TPRG1: variants seen among roughly 807,000 people sequenced by gnomAD.
TPRG1 encodes the protein tumor protein p63-regulated gene 1 protein.
In TPRG1, 29 loss-of-function variants were observed where a neutral mutation model predicts 29.3. The observed-to-expected ratio is 0.99, with a 90% CI of 0.74 to 1.35. The LOEUF (loss-of-function observed/expected upper bound fraction) is 1.35. Among genes scored for constraint, TPRG1 ranks in the 40% most tolerant of loss-of-function variants. TPRG1 has a pLI of 0.00. For missense variants in TPRG1, 327 were observed against 335.0 expected (o/e 0.98, Z 0.19); for synonymous variants, 130 against 116.8 (o/e 1.11, Z -0.73).
At chr3:189,129,644 T>A (rs924654851) in intron 2 of TPRG1, among the ~76,000 whole-genome samples, 3 of 152,210 alleles carry the variant, frequency 2.0e-5, no homozygotes, top group Non-Finnish European at 2.9e-5. Context: ...CATTTTCTAT[T>A]TTCCTCATTT....
chr3:189,257,420 C>T (rs1435268724), intron 4 of TPRG1, among the ~76,000 whole-genome samples: 1 of 152,136 alleles, frequency 6.6e-6, no homozygotes, highest in African/African-American at 2.4e-5. Context: ...TGACCTTTCT[C>T]TCTGTCTGCC....
chr3:189,019,359 G>T (rs1254659100), intron 3 of TPRG1, among the ~76,000 whole-genome samples: 7 of 152,166 alleles, frequency 4.6e-5, no homozygotes, highest in Admixed American at 3.9e-4. Context: ...TGTGATATTG[G>T]CCGTGGGTTT....
chr3:189,009,964 G>A (rs2152122558), intron 3 of TPRG1, among the ~76,000 whole-genome samples: 1 of 151,990 alleles, frequency 6.6e-6, no homozygotes, highest in African/African-American at 2.4e-5. Context: ...CCCTCCCACA[G>A]GCCCCAGTGC....
intron 5 of TPRG1, among the ~76,000 whole-genome samples, chr3:189,311,091 A>T (rs987945469): frequency 6.6e-6 from 1 of 152,158 alleles, no homozygotes; most frequent in African/African-American, 2.4e-5. Context: ...ATTTCATCTC[A>T]TCAAGCAGAT....
intron 2 of TPRG1, chr3:189,211,914 T>C (rs892345927): frequency 1.2e-4 from 19 of 152,072 alleles, no homozygotes; most frequent in African/African-American, 4.6e-4. Context: ...TCAGTTCATC[T>C]GCTATTATTG....
At chr3:189,315,384 G>T (rs549111534) in intron 5 of TPRG1, 1 of 407,288 alleles carries the variant, frequency 2.5e-6, no homozygotes, top group Non-Finnish European at 4.9e-6. Context: ...GTATAATATT[G>T]TATCTCAAAA....
At chr3:189,050,641 A>G (rs1715257869) in intron 4 of TPRG1, among the ~76,000 whole-genome samples, 4 of 152,192 alleles carry the variant, frequency 2.6e-5, no homozygotes, top group Admixed American at 2.6e-4. Flanking sequence ...AAAGAAAACT[A>G]CAGACCAATA....
intron 4 of TPRG1, among the ~76,000 whole-genome samples, chr3:189,260,478 C>T (rs1560617464): frequency 6.6e-6 from 1 of 152,192 alleles, no homozygotes; most frequent in South Asian, 2.1e-4. Context: ...AGCCATTCAT[C>T]TTAGAGGGCT....
intron 3 of TPRG1, among the ~76,000 whole-genome samples, chr3:189,015,020 T>C (rs755062276): frequency 6.6e-6 from 1 of 152,268 alleles, no homozygotes; most frequent in Non-Finnish European, 1.5e-5. Flanking sequence ...CAGAAGAAGA[T>C]AAGATGACGC....
At chr3:189,164,826 C>T (rs1362146916) in intron 5 of TPRG1, among the ~76,000 whole-genome samples, 2 of 152,082 alleles carry the variant, frequency 1.3e-5, no homozygotes, top group East Asian at 3.9e-4. Flanking sequence ...GTGGCAGGTT[C>T]CCTCCACAGC....
intron 1 of TPRG1, among the ~76,000 whole-genome samples, chr3:189,180,736 G>A (rs749620719): frequency 3.9e-5 from 6 of 152,262 alleles, no homozygotes; most frequent in Admixed American, 2.6e-4. Flanking sequence ...AGTGCAAACC[G>A]TCAGCGCATT....
intron 1 of TPRG1, among the ~76,000 whole-genome samples, chr3:189,185,075 A>AAGTGC (rs1730735376): frequency 6.6e-6 from 1 of 152,318 alleles, no homozygotes; most frequent in South Asian, 2.1e-4. Context: ...TTTAAAAACT[A>AAGTGC]AGTGCATTTT....
At chr3:189,046,742 T>C (rs1447609040) in intron 4 of TPRG1, among the ~76,000 whole-genome samples, 1 of 152,212 alleles carries the variant, frequency 6.6e-6, no homozygotes, top group African/African-American at 2.4e-5. Flanking sequence ...TAAAAAGTTT[T>C]AAGATTAAAG....
intron 4 of TPRG1, among the ~76,000 whole-genome samples, chr3:189,244,836 G>A (rs967160907): frequency 1.3e-5 from 2 of 152,222 alleles, no homozygotes; most frequent in African/African-American, 4.8e-5. Flanking sequence ...TACCAATTCT[G>A]TTGGTTTTTA....
At chr3:189,222,246 C>T (rs1016872443) in intron 3 of TPRG1, among the ~76,000 whole-genome samples, 4 of 152,000 alleles carry the variant, frequency 2.6e-5, no homozygotes, top group African/African-American at 9.7e-5. Context: ...GCCAGTCACA[C>T]GTTTACCTTG....
rs753476446 is a variant in TPRG1, at chr3:189,089,278, T to C, written c.-462-37779T>C. Among the ~76,000 whole-genome samples the C allele has an allele frequency of 2.7e-4, 41 of 152,200 alleles. 1 individual carries two copies. The highest frequency in any genetic ancestry group is 8.8e-5 in the Non-Finnish European group (6 of 68,028). ...TTTAACAGAAATACTCTGATTATTT[T>C]TTCAATCTTCTCTTCTGACTACTGG... is the stretch of plus-strand genomic sequence containing the variant. On this transcript the variant is annotated intron_variant, in intron 4 of 10. Coordinates refer to the TPRG1 transcript ENST00000433971.
chr3:189,086,207 AGGAGAAAGGT>A (rs986552983), intron 4 of TPRG1, among the ~76,000 whole-genome samples: 2 of 152,178 alleles, frequency 1.3e-5, no homozygotes, highest in African/African-American at 2.4e-5. Flanking sequence ...CATCCAGCAC[AGGAGAAAGGT>A]GGAGGCCAGA....
upstream of TPRG1, among the ~76,000 whole-genome samples, chr3:189,096,792 G>A (rs1156238665): frequency 2.0e-5 from 3 of 152,184 alleles, no homozygotes; most frequent in African/African-American, 7.2e-5. Context: ...GTAATAATAT[G>A]TTGTTTAGTT....
Position 189,144,991 on chromosome 3 carries a change from G to T in TPRG1, c.-290-2593G>T, listed in dbSNP as rs114364474. ...AAGCTAGAAGGAGGTTTTTGGTGAG[G>T]ACTAGAAGCCTTTTATTCTGTTCAA... On this transcript the variant is annotated intron_variant, in intron 3 of 6. Transcript: ENST00000412373. Among the ~76,000 whole-genome samples the T allele has an allele frequency of 6.2e-3, 948 of 152,322 alleles. 11 individuals are homozygous for T. The highest frequency in any genetic ancestry group is 0.022 in the African/African-American group (920 of 41,570).
Sources: gnomAD v4.1 joint callset for allele counts (sites outside exome capture counted in the v4.1 genomes callset) on GRCh38, gnomAD v4.1.1 for gene constraint, MANE v1.5 for transcripts, NCBI Gene and HGNC (gene_info 2026-07-23, HGNC 2026-07-21) for gene names.